The following PLEKHG5 variants were observed in gnomAD, a reference collection of about 807,000 sequenced individuals.
PLEKHG5 encodes pleckstrin homology domain-containing family G member 5.
Under a neutral mutation model 103.8 loss-of-function variants are expected in PLEKHG5, and 52 were observed. The ratio of observed to expected loss-of-function variants is 0.50; its 90% CI spans 0.40 to 0.63. The LOEUF (loss-of-function observed/expected upper bound fraction) is 0.63, where lower values mean the gene tolerates loss of function less well. Among genes scored for constraint, PLEKHG5 ranks in the 30% least tolerant of loss-of-function variants. The pLI is 0.00. For synonymous variants in PLEKHG5, 592 were observed against 575.5 expected, an observed-to-expected ratio of 1.03 and a Z score of -0.41; for missense variants, 1,205 against 1,347.6, an observed-to-expected ratio of 0.89 and a Z score of 1.66.
In PLEKHG5 at chr1:6,468,452, G is replaced by A; in HGVS notation, c.2384C>T (p.Ser795Phe). The change falls in exon 20 of 21, where the codon TCT (serine) becomes TTT (phenylalanine). Residue 795 changes from serine to phenylalanine, a missense_variant. Physicochemically the swap from Ser to Phe is radical, Grantham distance 155 (BLOSUM62 -2). Coordinates refer to ENST00000377728, the MANE Select transcript of PLEKHG5 (RefSeq NM_020631.6). ...DETSLSTTASSATPTSELLPL... is the reference protein window; with the variant it reads ...DETSLSTTASFATPTSELLPL... ...CAGCAGCTCACTGGTGGGCGTGGCA[G>A]ATGAGGCAGTGGTGCTGAGAGAGGT... 6.2e-7 allele frequency: 1 copy of A among 1,613,024 alleles called. No individual in the cohort carries two copies. Among genetic ancestry groups the A allele is most frequent in the African/African-American group, 1.3e-5 (1 of 75,030 alleles).
Position 6,486,215 on chromosome 1 carries a change from C to G in PLEKHG5, c.-88+5422G>C, listed in dbSNP as rs1645034102. ...TCCCAGCAAGGGAGCTCTTAGAATA[C>G]AGGCACCAGAAGGGGGAGGCCAGGA... is the stretch of plus-strand genomic sequence containing the variant. On this transcript the variant is annotated intron_variant, in intron 1 of 20. Transcript: ENST00000377728. This position sits in a 1 kb window ranked among gnomAD's most constrained non-coding sequence, Gnocchi z 5.3. Among the ~76,000 whole-genome samples, 1 of 152,020 alleles carries G rather than the reference C, an allele frequency of 6.6e-6. No individual in the cohort carries two copies. The highest frequency in any genetic ancestry group is 1.5e-5 in the Non-Finnish European group (1 of 67,970).
chr1:6,490,715 G>T lies in PLEKHG5; in HGVS notation c.-88+922C>A. The T allele has an allele frequency of 1.7e-6, 1 of 572,916 alleles. No homozygotes were observed. Among genetic ancestry groups the T allele is most frequent in the Non-Finnish European group, 2.2e-6 (1 of 453,464 alleles). 35.5% of individuals were successfully genotyped at this position (572,916 alleles called of 1,614,324 possible). On this transcript the variant is annotated intron_variant, in intron 1 of 20. Transcript: ENST00000377728. This position sits in a 1 kb window ranked among gnomAD's most constrained non-coding sequence, Gnocchi z 8.0. ...CAGGAAGGGCCCCGCGCCGGAGCCA[G>T]GGAGGTGGCTGGAGGCCGGGCGGTG...
chr1:6,495,659 C>T (rs1398866453), upstream of PLEKHG5, among the ~76,000 whole-genome samples: 3 of 152,140 alleles, frequency 2.0e-5, no homozygotes, highest in South Asian at 2.1e-4. Flanking sequence ...CTGGTGCCTG[C>T]GCCAGATGCT....
chr1:6,472,957 G>A (rs758442615), intron 9 of PLEKHG5, 29 bp downstream of exon 9: 1 of 1,607,282 alleles, frequency 6.2e-7, no homozygotes, highest in Non-Finnish European at 8.5e-7. Flanking sequence ...TCGGGACAAG[G>A]AGGGAGCAGC....
intron 6 of PLEKHG5, 117 bp from the exon 7 acceptor site, chr1:6,474,281 C>T: frequency 7.2e-7 from 1 of 1,390,548 alleles, no homozygotes; most frequent in Non-Finnish European, 1.0e-6. Context: ...CCCGACAGCC[C>T]CGCCCTGCCA....
chr1:6,467,305 ACT>A lies in PLEKHG5; in HGVS notation c.*256_*257del. The stretch of plus-strand genomic sequence containing the variant: ...GCAGCCTAGGAGCCCAGCCCTGAAG[ACT>A]CGAGCTGAGCTGGTAACTTCGGGGA... On this transcript the variant is annotated 3_prime_UTR_variant, in exon 21 of 21. Transcript: ENST00000377728. The A allele has an allele frequency of 1.6e-6, 1 of 606,418 alleles. No homozygotes were observed. The highest frequency in any genetic ancestry group is 1.8e-5 in the South Asian group (1 of 54,588). The allele number at this position is 606,418 out of a possible 1,614,324, so 37.6% of individuals were successfully genotyped here. A position where few individuals can be genotyped will look rare whatever the true frequency, so the allele number is the denominator to read the frequency against.
At chr1:6,516,350 C>T (rs969215941) in intron 1 of PLEKHG5, among the ~76,000 whole-genome samples, 11 of 152,114 alleles carry the variant, frequency 7.2e-5, no homozygotes, top group African/African-American at 2.2e-4. Context: ...CCATGTATAT[C>T]GTGAAGCCAT....
At position 6,469,548 on chromosome 1, in the gene PLEKHG5, G is replaced by A. The variant is rs1644505211; in HGVS notation, c.1929C>T (p.Asp643=). 2 of 1,613,748 alleles carry A rather than the reference G, an allele frequency of 1.2e-6. No individual in the cohort carries two copies. The highest frequency in any genetic ancestry group is 1.3e-5 in the African/African-American group (1 of 74,948). Residue 643 remains aspartate, a synonymous_variant, in exon 17 of 21, where the codon GAC becomes GAT. Transcript: ENST00000377728. ...VDKIVCRELR[D]PGSFLLIYLN... is the part of the protein sequence containing the mutation. Reference sequence around the variant, plus strand: ...CAGGGGACCAGGGCTCCTTACCAGGGTCCCGTAGCTCCCGGCACACAATCT... The same window carrying A: ...CAGGGGACCAGGGCTCCTTACCAGGATCCCGTAGCTCCCGGCACACAATCT...
upstream of PLEKHG5, among the ~76,000 whole-genome samples, chr1:6,495,600 G>A (rs1000525919): frequency 4.6e-5 from 7 of 152,214 alleles, no homozygotes; most frequent in Admixed American, 2.0e-4. Context: ...CTGTAAATGA[G>A]AATAAGGACA....
At chr1:6,485,530 C>T (rs1434504812) in intron 1 of PLEKHG5, 1 of 1,210,494 alleles carries the variant, frequency 8.3e-7, no homozygotes. Context: ...GCGCCCGCCC[C>T]CGCCGAGCGC....
chr1:6,504,822 G>T (rs570343846), intron 1 of PLEKHG5, among the ~76,000 whole-genome samples: 1 of 152,158 alleles, frequency 6.6e-6, no homozygotes, highest in Admixed American at 6.5e-5. Flanking sequence ...GCCTGCCTCG[G>T]CCTCCCAAAG....
rs1341405339 is a variant in PLEKHG5, at chr1:6,505,946, A to T, written c.-164-9377T>A. ...TGACTGTCAGCAGCATGTGTGTGTGAATGGGCTACAGGCCCTGGCTGGGCA... is the reference window on the plus strand; with the variant it reads ...TGACTGTCAGCAGCATGTGTGTGTGTATGGGCTACAGGCCCTGGCTGGGCA... On this transcript the variant is annotated intron_variant, in intron 1 of 21. Transcript: ENST00000377740. The surrounding 1 kb of genome is among the most constrained non-coding windows in gnomAD (Gnocchi z 4.2). 1 of 152,582 alleles carries T rather than the reference A, an allele frequency of 6.6e-6. No individual in the cohort carries two copies. The highest frequency in any genetic ancestry group is 1.5e-5 in the Non-Finnish European group (1 of 68,086). The allele number at this position is 152,582 out of a possible 1,614,324, so 9.5% of individuals were successfully genotyped here. A position where few individuals can be genotyped will look rare whatever the true frequency, so the allele number is the denominator to read the frequency against.
rs958506692 is a variant in PLEKHG5, at chr1:6,486,402, C to T, written c.-88+5235G>A. On this transcript the variant is annotated intron_variant, in intron 1 of 20. Transcript: ENST00000377728. The surrounding 1 kb of genome is among the most constrained non-coding windows in gnomAD (Gnocchi z 5.3). ...TCCCATCAACCTGGAGACCCCTGCC[C>T]GAGAGCCTGAGCCCCAGGGACACCC... Among the ~76,000 whole-genome samples the T allele has an allele frequency of 3.9e-5, 6 of 152,178 alleles. No individual in the cohort carries two copies. Among genetic ancestry groups the T allele is most frequent in the African/African-American group, 1.2e-4 (5 of 41,442 alleles).
Position 6,505,017 on chromosome 1 carries a change from T to C in PLEKHG5, c.-164-8448A>G, listed in dbSNP as rs2148633015. Among the ~76,000 whole-genome samples, 1 of 152,122 alleles carries C rather than the reference T, an allele frequency of 6.6e-6. No individual in the cohort carries two copies. Among genetic ancestry groups the C allele is most frequent in the South Asian group, 2.1e-4 (1 of 4,818 alleles). On this transcript the variant is annotated intron_variant, in intron 1 of 21. Coordinates refer to the PLEKHG5 transcript ENST00000377740. The surrounding 1 kb of genome is among the most constrained non-coding windows in gnomAD (Gnocchi z 4.2). ...GACCACGCCAGCCTGGGGAGACTCATCCAGGACAGGCTCCTGCTCCCTGGG... is the reference window on the plus strand; with the variant it reads ...GACCACGCCAGCCTGGGGAGACTCACCCAGGACAGGCTCCTGCTCCCTGGG...
At chr1:6,512,190 C>T (rs1021676135) in intron 1 of PLEKHG5, among the ~76,000 whole-genome samples, 3 of 152,212 alleles carry the variant, frequency 2.0e-5, no homozygotes, top group Non-Finnish European at 4.4e-5. Flanking sequence ...TTGGGTGCTG[C>T]CGCAGGGTCT....
intron 15 of PLEKHG5, 67 bp downstream of exon 15, chr1:6,470,439 A>G: frequency 1.9e-6 from 3 of 1,611,880 alleles, no homozygotes. Flanking sequence ...TGCCCAGCAC[A>G]GCCCCTGCCT....
intron 1 of PLEKHG5, among the ~76,000 whole-genome samples, chr1:6,508,720 C>G (rs1174624133): frequency 1.3e-5 from 2 of 152,240 alleles, no homozygotes; most frequent in Non-Finnish European, 1.5e-5. Flanking sequence ...TGTGCCCAGC[C>G]TCAGGCAGGC....
At chr1:6,512,589 C>T (rs1277812951) in intron 1 of PLEKHG5, among the ~76,000 whole-genome samples, 2 of 152,222 alleles carry the variant, frequency 1.3e-5, no homozygotes, top group South Asian at 2.1e-4. Context: ...GCTGCAGCCT[C>T]GGGACAACTG....
At chr1:6,472,407 T>A (rs575445608) in intron 10 of PLEKHG5, 120 bp downstream of exon 10, 2 of 784,798 alleles carry the variant, frequency 2.5e-6, no homozygotes, top group Admixed American at 4.0e-5. Flanking sequence ...CTTGTCTGAC[T>A]TTCCTGCCCC....
Sources: allele counts gnomAD v4.1 joint callset (sites outside exome capture counted in the v4.1 genomes callset), GRCh38; gene constraint gnomAD v4.1.1; non-coding constraint Gnocchi (gnomAD v3.1); transcripts MANE v1.5; gene names NCBI Gene and HGNC (gene_info 2026-07-23, HGNC 2026-07-21).